The following RBFOX1 variants were observed in gnomAD, a reference collection of about 807,000 sequenced individuals.
The protein encoded by RBFOX1 is RNA binding fox-1 homolog 1.
RBFOX1 carries 8 observed loss-of-function variants against 57.7 expected under a neutral mutation model. That is an observed-to-expected ratio of 0.14 (90% CI 0.08 to 0.25). RBFOX1 has a LOEUF of 0.25. RBFOX1 is among the 10% of genes least tolerant of loss of function. The pLI is 1.00. For missense variants in RBFOX1, 611 were observed against 548.5 expected (o/e 1.11, Z -1.14); for synonymous variants, 326 against 222.4 (o/e 1.47, Z -4.15).
rs188410563 is a variant in RBFOX1, at chr16:5,557,429, T to C, written c.259-41473T>C. Among the ~76,000 whole-genome samples the C allele has an allele frequency of 2.5e-3, 374 of 151,854 alleles. 3 individuals carry two copies. The highest frequency in any genetic ancestry group is 8.6e-3 in the African/African-American group (357 of 41,384). ...TCCCCATATGAAGCTTATAGAGAGA[T>C]AATAAACAGGGTAACAAAACTGAAT... On this transcript the variant is annotated intron_variant, in intron 2 of 2. Coordinates refer to the RBFOX1 transcript ENST00000585867.
intron 13 of RBFOX1, 62 bp downstream of exon 13, chr16:7,665,030 T>G (rs2068817010): frequency 6.2e-7 from 1 of 1,613,554 alleles, no homozygotes; most frequent in Admixed American, 1.7e-5. Context: ...TTTTTACAAG[T>G]TTGCTGTGAA....
At chr16:6,978,645 A>G (rs1414782632) in intron 3 of RBFOX1, among the ~76,000 whole-genome samples, 2 of 152,160 alleles carry the variant, frequency 1.3e-5, no homozygotes, top group African/African-American at 4.8e-5. Context: ...TAATGTCCTC[A>G]TGATGATTTT....
Position 7,710,817 on chromosome 16 carries a change from T to C in RBFOX1, c.*72T>C. The C allele has an allele frequency of 8.5e-6, 11 of 1,295,970 alleles. No homozygotes were observed. The highest frequency in any genetic ancestry group is 2.8e-5 in the East Asian group (1 of 36,308). The allele number at this position is 1,295,970 out of a possible 1,614,324, so 80.3% of individuals were successfully genotyped here. On this transcript the variant is annotated 3_prime_UTR_variant, in exon 16 of 16. Transcript: ENST00000550418. ...TCCGAGGCCTGAGTATTGCAATACA[T>C]GCAGTAGTACATCATTTTAGCAACT... is the stretch of plus-strand genomic sequence containing the variant.
At chr16:6,339,543 A>G (rs2084232421) in intron 2 of RBFOX1, among the ~76,000 whole-genome samples, 1 of 152,208 alleles carries the variant, frequency 6.6e-6, no homozygotes, top group Non-Finnish European at 1.5e-5. Flanking sequence ...GGTAAACAGT[A>G]TTCTCATACT....
chr16:7,070,503 A>T (rs2057107143), intron 4 of RBFOX1, among the ~76,000 whole-genome samples: 1 of 152,196 alleles, frequency 6.6e-6, no homozygotes, highest in African/African-American at 2.4e-5. Flanking sequence ...TCTTGATTGC[A>T]TATGTGTCTT....
chr16:6,913,481 A>G (rs1373282795), intron 3 of RBFOX1, among the ~76,000 whole-genome samples: 1 of 151,972 alleles, frequency 6.6e-6, no homozygotes, highest in Non-Finnish European at 1.5e-5. Flanking sequence ...GGCCTTCTTC[A>G]CACCCCCACA....
chr16:7,275,742 A>G (rs1293160529), intron 4 of RBFOX1, among the ~76,000 whole-genome samples: 3 of 152,256 alleles, frequency 2.0e-5, no homozygotes, highest in Admixed American at 6.5e-5. Flanking sequence ...ATATGCCACA[A>G]GCATCAAAAT....
chr16:6,253,390 G>A (rs2097637504), intron 1 of RBFOX1, among the ~76,000 whole-genome samples: 2 of 152,136 alleles, frequency 1.3e-5, no homozygotes, highest in African/African-American at 4.8e-5. Context: ...GAACTCCTGG[G>A]GAACTCACAG....
chr16:6,419,758 C>T (rs370237953), intron 2 of RBFOX1, among the ~76,000 whole-genome samples: 12 of 152,238 alleles, frequency 7.9e-5, no homozygotes, highest in Middle Eastern at 3.4e-3. Flanking sequence ...GCACACACAC[C>T]GCAATTTTTG....
chr16:7,329,085 C>G (rs551893797), intron 4 of RBFOX1, among the ~76,000 whole-genome samples: 11 of 152,272 alleles, frequency 7.2e-5, no homozygotes, highest in African/African-American at 2.6e-4. Context: ...GATGCTTTTT[C>G]ACGCTACAAC....
chr16:6,721,973 A>AGGTTCATCTGTAT (rs2066093349), intron 3 of RBFOX1: 1 of 153,080 alleles, frequency 6.5e-6, no homozygotes, highest in Non-Finnish European at 1.5e-5. Flanking sequence ...CCCTGTCCTA[A>AGGTTCATCTGTAT]GGTTCATCTG....
chr16:5,750,815 G>C (rs1390069807), intron 3 of RBFOX1, among the ~76,000 whole-genome samples: 1 of 152,230 alleles, frequency 6.6e-6, no homozygotes, highest in South Asian at 2.1e-4. Flanking sequence ...GCACTTCCCA[G>C]GTTAGTCGAT....
At chr16:6,141,771 A>G (rs2096717832) in intron 1 of RBFOX1, among the ~76,000 whole-genome samples, 1 of 152,076 alleles carries the variant, frequency 6.6e-6, no homozygotes, top group African/African-American at 2.4e-5. Context: ...TTTGGAGAAA[A>G]GGTGAAAGAA....
intron 4 of RBFOX1, among the ~76,000 whole-genome samples, chr16:7,055,717 G>C (rs924012561): frequency 2.6e-5 from 4 of 152,172 alleles, no homozygotes; most frequent in Non-Finnish European, 5.9e-5. Flanking sequence ...GCAGCATCAG[G>C]CACATTGTTA....
At chr16:6,015,890 G>C (rs149553142), upstream of RBFOX1, among the ~76,000 whole-genome samples, 1 of 152,164 alleles carries the variant, frequency 6.6e-6, no homozygotes, top group South Asian at 2.1e-4. Flanking sequence ...TACGCTTCTC[G>C]AGTGCAGAAA....
At chr16:6,351,513 A>G (rs1430289650) in intron 2 of RBFOX1, among the ~76,000 whole-genome samples, 1 of 151,456 alleles carries the variant, frequency 6.6e-6, no homozygotes, top group Admixed American at 6.6e-5. Flanking sequence ...AGCTGGGACT[A>G]CAGGCACCTG....
rs77763755 is a variant in RBFOX1 at position 5,682,114 on chromosome 16, G to A, written c.318+83153G>A. Among the ~76,000 whole-genome samples the A allele has an allele frequency of 7.2e-5, 11 of 152,252 alleles. No individual in the cohort carries two copies. In the East Asian group the frequency reaches 1.9e-3, roughly 27 times the overall value. ...CATTACAGTTGGGTTTCAGATTGCC[G>A]TTTCATGTCGGGCACTGGGGTAAAT... On this transcript the variant is annotated intron_variant, in intron 3 of 19. Coordinates refer to the RBFOX1 transcript ENST00000641259.
intron 4 of RBFOX1, among the ~76,000 whole-genome samples, chr16:7,203,773 C>T (rs1223242123): frequency 6.6e-6 from 1 of 152,150 alleles, no homozygotes; most frequent in East Asian, 1.9e-4. Flanking sequence ...GAAATCTCCT[C>T]ATAACCCACC....
chr16:7,055,101 G>C (rs1354276065), intron 4 of RBFOX1, among the ~76,000 whole-genome samples: 1 of 152,008 alleles, frequency 6.6e-6, no homozygotes, highest in Non-Finnish European at 1.5e-5. Flanking sequence ...ATGATCATAT[G>C]ATTAATTTTA....
Sources: allele counts gnomAD v4.1 joint callset (sites outside exome capture counted in the v4.1 genomes callset), GRCh38; gene constraint gnomAD v4.1.1; transcripts MANE v1.5; gene names NCBI Gene and HGNC (gene_info 2026-07-23, HGNC 2026-07-21).